The following MECOM variants were observed in gnomAD, a reference collection of about 807,000 sequenced individuals.
MECOM encodes the protein MDS1 and EVI1 complex locus.
Under a neutral mutation model 116.3 loss-of-function variants are expected in MECOM, and 13 were observed. The ratio of observed to expected loss-of-function variants is 0.11; its 90% CI spans 0.07 to 0.18. The LOEUF is 0.18. Ranked by LOEUF, MECOM falls within the 10% of genes least tolerant of loss-of-function variation. The pLI, the probability that MECOM is intolerant of heterozygous loss-of-function variation, is 1.00. For missense variants in MECOM, 1,299 were observed against 1,509.0 expected, an observed-to-expected ratio of 0.86 and a Z score of 2.31; for synonymous variants, 528 against 535.2, an observed-to-expected ratio of 0.99 and a Z score of 0.19.
intron 10 of MECOM, among the ~76,000 whole-genome samples, chr3:169,103,074 T>C (rs1724133043): frequency 1.3e-5 from 2 of 150,650 alleles, no homozygotes; most frequent in African/African-American, 4.9e-5. Context: ...TGCACACTTA[T>C]TTGAGAGTCA....
chr3:169,267,061 T>C (rs1758401214), intron 2 of MECOM, among the ~76,000 whole-genome samples: 1 of 152,244 alleles, frequency 6.6e-6, no homozygotes, highest in African/African-American at 2.4e-5. Context: ...CTATTTTCAT[T>C]GTTCTTTAGC....
intron 2 of MECOM, among the ~76,000 whole-genome samples, chr3:169,369,797 C>A (rs1301824240): frequency 6.6e-6 from 1 of 151,950 alleles, no homozygotes; most frequent in Non-Finnish European, 1.5e-5. Context: ...AATTGAATAT[C>A]CAAACTATAT....
chr3:169,458,507 G>A (rs762780342), intron 1 of MECOM, among the ~76,000 whole-genome samples: 2 of 152,218 alleles, frequency 1.3e-5, no homozygotes, highest in Non-Finnish European at 2.9e-5. Context: ...CTTGGAGCCT[G>A]ATGAGTTGAT....
chr3:169,150,473 G>A (rs1050836723), intron 2 of MECOM, among the ~76,000 whole-genome samples: 6 of 152,212 alleles, frequency 3.9e-5, no homozygotes, highest in African/African-American at 1.4e-4. Context: ...TAACATGCGT[G>A]TTCTGCAGTG....
At chr3:169,472,995 T>C (rs986140320) in intron 1 of MECOM, 6 of 982,278 alleles carry the variant, frequency 6.1e-6, no homozygotes, top group Non-Finnish European at 7.3e-6. Flanking sequence ...CCAGATACCA[T>C]GCCAAATGTC....
intron 1 of MECOM, among the ~76,000 whole-genome samples, chr3:169,479,407 A>G (rs1750953222): frequency 6.6e-6 from 1 of 151,972 alleles, no homozygotes. Context: ...GGTGGAGGAA[A>G]GAATGAAGCC....
chr3:169,594,053 A>G (rs28485388), intron 1 of MECOM, among the ~76,000 whole-genome samples: 110,946 of 150,236 alleles, frequency 0.74, 41,093 homozygotes, highest in East Asian at 0.83. Context: ...CCCAGGAGGC[A>G]GAGGTTGCAG....
intron 12 of MECOM, among the ~76,000 whole-genome samples, chr3:169,097,817 T>TTAAAAAAAAAAAAAAAA (rs1722127820): frequency 1.1e-5 from 1 of 87,194 alleles, no homozygotes; most frequent in Non-Finnish European, 2.2e-5. Context: ...ACTGTCTATA[T>TTAAAAAAAAAAAAAAAA]AAAAAAAAAA....
At chr3:169,542,856 T>C (rs539457377) in intron 1 of MECOM, among the ~76,000 whole-genome samples, 16 of 152,362 alleles carry the variant, frequency 1.1e-4, no homozygotes, top group African/African-American at 3.6e-4. Flanking sequence ...ATCTACTATG[T>C]CTTTGGAAAG....
chr3:169,584,750 T>C (rs750781001), intron 1 of MECOM, among the ~76,000 whole-genome samples: 1 of 152,174 alleles, frequency 6.6e-6, no homozygotes, highest in African/African-American at 2.4e-5. Flanking sequence ...ATTTGGCAGC[T>C]GAGAAATCAT....
At position 169,097,840 on chromosome 3, in the gene MECOM, A is replaced by AAAAAAAAAAT. The variant is rs1722193549; in HGVS notation, c.2850-2596_2850-2595insATTTTTTTTT. Among the ~76,000 whole-genome samples the AAAAAAAAAAT allele has an allele frequency of 2.8e-5, 4 of 140,656 alleles. No homozygotes were observed. The South Asian group carries it at 9.6e-4, about 34-fold the overall frequency. 92.3% of individuals were successfully genotyped at this position (140,656 alleles called of 152,430 possible). A position where few individuals can be genotyped will look rare whatever the true frequency, so the allele number is the denominator to read the frequency against. On this transcript the variant is annotated intron_variant, in intron 12 of 16. Transcript: ENST00000651503. Reference sequence around the variant, plus strand: ...TATAAAAAAAAAAAAAAAAAAAAAAAGGTGGATTCCACTGTCAAGGAGCTT... The same window carrying AAAAAAAAAAT: ...TATAAAAAAAAAAAAAAAAAAAAAAAAAAAAAAAATGGTGGATTCCACTGTCAAGGAGCTT...
At chr3:169,274,475 A>T (rs1355267796) in intron 2 of MECOM, among the ~76,000 whole-genome samples, 1 of 152,180 alleles carries the variant, frequency 6.6e-6, no homozygotes, top group Non-Finnish European at 1.5e-5. Context: ...ACAGGGGTTG[A>T]GCAGGAAGAA....
intron 1 of MECOM, among the ~76,000 whole-genome samples, chr3:169,586,235 G>A (rs933400314): frequency 1.3e-5 from 2 of 152,212 alleles, no homozygotes; most frequent in Non-Finnish European, 2.9e-5. Flanking sequence ...ACCATAGAAG[G>A]TTATGAATAT....
intron 3 of MECOM, among the ~76,000 whole-genome samples, chr3:169,141,998 T>A (rs1249769374): frequency 2.0e-5 from 3 of 151,988 alleles, no homozygotes; most frequent in Non-Finnish European, 2.9e-5. Flanking sequence ...TGGCATATTT[T>A]CTTTTGAAAA....
chr3:169,499,137 T>C (rs1347069560), intron 1 of MECOM, among the ~76,000 whole-genome samples: 7 of 151,738 alleles, frequency 4.6e-5, no homozygotes, highest in Non-Finnish European at 8.8e-5. Context: ...TACATATATA[T>C]ACCAGAAGGA....
At position 169,102,162 on chromosome 3, in the gene MECOM, C is replaced by T; in HGVS notation, c.2669G>A (p.Ser890Asn). The T allele has an allele frequency of 6.2e-7, 1 of 1,613,920 alleles. No homozygotes were observed. The change falls in exon 11 of 17, where the codon AGT (serine) becomes AAT (asparagine). Residue 890 changes from serine to asparagine, a missense_variant. Around this residue, in one of 6 missense-constraint regions of MECOM, gnomAD observed 340 missense variants for 312.6 expected, o/e 1.09. Coordinates refer to ENST00000651503, the MANE Select transcript of MECOM (RefSeq NM_004991.4). ...ESFSALKPEA[S>N]ELLQSVPSMF... ...AGAGGGCACTGACTGTAAGAGCTCA[C>T]TGGCCTCAGGTTTCAGGGCACTGAA...
chr3:169,399,803 T>G (rs1735586430), intron 1 of MECOM, among the ~76,000 whole-genome samples: 1 of 152,210 alleles, frequency 6.6e-6, no homozygotes. Context: ...CAGTTTTTCT[T>G]CCTTTAAGTG....
At chr3:169,436,537 A>C (rs372706225) in intron 1 of MECOM, among the ~76,000 whole-genome samples, 5 of 152,300 alleles carry the variant, frequency 3.3e-5, no homozygotes, top group Admixed American at 6.5e-5. Flanking sequence ...GGTGTGAGGC[A>C]CCGTGCCTGG....
intron 2 of MECOM, among the ~76,000 whole-genome samples, chr3:169,190,026 G>A (rs908188348): frequency 6.6e-5 from 10 of 152,122 alleles, no homozygotes; most frequent in East Asian, 5.8e-4. Flanking sequence ...GGCTGCTTAT[G>A]ATAAAACATA....
Sources: allele counts gnomAD v4.1 joint callset (sites outside exome capture counted in the v4.1 genomes callset), GRCh38; gene constraint gnomAD v4.1.1; regional missense constraint gnomAD v4.1.1; transcripts MANE v1.5; gene names NCBI Gene and HGNC (gene_info 2026-07-23, HGNC 2026-07-21).